Variants in DLGAP2 observed in about 807,000 individuals in gnomAD.
DLGAP2 encodes the protein disks large-associated protein 2.
DLGAP2 carries 26 observed loss-of-function variants against 100.3 expected under a neutral mutation model. That is an observed-to-expected ratio of 0.26 (90% CI 0.19 to 0.36). The LOEUF is 0.36. DLGAP2 is among the 10% of genes least tolerant of loss of function. The pLI, the probability that DLGAP2 is intolerant of heterozygous loss-of-function variation, is 1.00. For synonymous variants in DLGAP2, 886 were observed against 630.1 expected (o/e 1.41, Z -6.08); for missense variants, 1,858 against 1,453.2 (o/e 1.28, Z -4.53).
chr8:1,063,774 G>T (rs1803160613), intron 2 of DLGAP2, among the ~76,000 whole-genome samples: 1 of 152,118 alleles, frequency 6.6e-6, no homozygotes, highest in Non-Finnish European at 1.5e-5. Context: ...TATTTAGGTG[G>T]GTATCGACTA....
chr8:1,322,441 C>T (rs1038478316), intron 3 of DLGAP2, among the ~76,000 whole-genome samples: 4 of 152,056 alleles, frequency 2.6e-5, no homozygotes, highest in African/African-American at 9.7e-5. Flanking sequence ...TGACTTCACG[C>T]GTGTGGATCC....
rs184800205 is a variant in DLGAP2 at position 1,225,253 on chromosome 8, G to A, written c.74-33598G>A. On this transcript the variant is annotated intron_variant, in intron 2 of 14. Transcript: ENST00000637795. Reference sequence around the variant, plus strand: ...CGGAACATTTCTCAGTTATGAACACGAGTGAGGGATTGGTAGATGTTACAG... The same window carrying A: ...CGGAACATTTCTCAGTTATGAACACAAGTGAGGGATTGGTAGATGTTACAG... 7.9e-4 allele frequency among the ~76,000 whole-genome samples: 121 copies of A among 152,364 alleles called. 1 individual carries two copies. Among genetic ancestry groups the A allele is most frequent in the Non-Finnish European group, 1.6e-3 (110 of 68,036 alleles).
intron 1 of DLGAP2, among the ~76,000 whole-genome samples, chr8:866,559 G>A (rs1377396641): frequency 6.6e-6 from 1 of 152,078 alleles, no homozygotes; most frequent in African/African-American, 2.4e-5. Flanking sequence ...GAAAAGAAGG[G>A]TCTGAAGGAC....
At chr8:1,557,692 A>G (rs938463529) in intron 5 of DLGAP2, among the ~76,000 whole-genome samples, 1 of 152,064 alleles carries the variant, frequency 6.6e-6, no homozygotes, top group African/African-American at 2.4e-5. Context: ...GTGGAGTCCC[A>G]AGGCCAGCTC....
chr8:1,424,022 G>A lies in DLGAP2; in HGVS notation c.107-77344G>A, dbSNP rs573650484. 5.9e-5 allele frequency among the ~76,000 whole-genome samples: 9 copies of A among 152,338 alleles called. No individual in the cohort carries two copies. In the East Asian group the frequency reaches 1.2e-3, roughly 20 times the overall value. ...ATAGCAGCCGGATTATTCAAAGCTC[G>A]TATCAGGCAGCCAGTTGGATGGAGG... On this transcript the variant is annotated intron_variant, in intron 3 of 14. Coordinates refer to ENST00000637795, the MANE Select transcript of DLGAP2 (RefSeq NM_001346810.2).
chr8:1,048,723 G>T (rs550123958), intron 2 of DLGAP2, among the ~76,000 whole-genome samples: 1 of 151,908 alleles, frequency 6.6e-6, no homozygotes, highest in Non-Finnish European at 1.5e-5. Context: ...CTGGAACTGG[G>T]GCTGCGGTGG....
intron 2 of DLGAP2, among the ~76,000 whole-genome samples, chr8:947,214 T>C (rs1412168247): frequency 6.6e-6 from 1 of 152,120 alleles, no homozygotes; most frequent in Non-Finnish European, 1.5e-5. Flanking sequence ...CCCGGGGAGC[T>C]GCATCTGCAG....
chr8:1,648,454 G>C (rs945996301), intron 8 of DLGAP2, among the ~76,000 whole-genome samples: 4 of 152,046 alleles, frequency 2.6e-5, no homozygotes, highest in Admixed American at 6.6e-5. Flanking sequence ...GTGAAATTCA[G>C]CCTCTGTCAT....
chr8:1,528,187 C>T (rs1199997490), intron 4 of DLGAP2, among the ~76,000 whole-genome samples: 1 of 152,136 alleles, frequency 6.6e-6, no homozygotes, highest in East Asian at 1.9e-4. Context: ...TACTGGGTTC[C>T]ACTGCTGGAA....
chr8:1,609,378 C>A lies in DLGAP2; in HGVS notation c.1443-17362C>A, dbSNP rs1031098525. On this transcript the variant is annotated intron_variant, in intron 6 of 14. Coordinates refer to ENST00000637795, the MANE Select transcript of DLGAP2 (RefSeq NM_001346810.2). ...CACCACCAGGCCTGCCCTAAAAGAG[C>A]TCCTGAAGGAAGCGCTAAACATGGA... Among the ~76,000 whole-genome samples the A allele has an allele frequency of 2.4e-3, 321 of 135,560 alleles. 8 individuals are homozygous for A. Among genetic ancestry groups the A allele is most frequent in the African/African-American group, 8.2e-3 (312 of 37,856 alleles). 88.9% of individuals were successfully genotyped at this position (135,560 alleles called of 152,430 possible). A position where few individuals can be genotyped will look rare whatever the true frequency, so the allele number is the denominator to read the frequency against.
chr8:1,273,538 G>A (rs1429299114), intron 3 of DLGAP2, among the ~76,000 whole-genome samples: 2 of 152,176 alleles, frequency 1.3e-5, no homozygotes, highest in Admixed American at 6.5e-5. Context: ...GTGGATGGCC[G>A]GCAGGAACGT....
intron 3 of DLGAP2, among the ~76,000 whole-genome samples, chr8:1,485,309 CAT>C (rs1330016995): frequency 3.3e-5 from 5 of 152,142 alleles, no homozygotes; most frequent in African/African-American, 1.2e-4. Context: ...CAGATTTTTT[CAT>C]ATCATTTTTC....
At chr8:909,816 C>T (rs888637049) in intron 2 of DLGAP2, among the ~76,000 whole-genome samples, 51 of 152,170 alleles carry the variant, frequency 3.4e-4, no homozygotes, top group African/African-American at 1.1e-3. Context: ...GGGGAGAATT[C>T]TAGCTTTTAG....
intron 2 of DLGAP2, among the ~76,000 whole-genome samples, chr8:937,732 T>A (rs1003617138): frequency 2.6e-5 from 4 of 152,122 alleles, no homozygotes; most frequent in Non-Finnish European, 4.4e-5. Flanking sequence ...TCTCCTACAA[T>A]CAAGGGAATC....
intron 2 of DLGAP2, among the ~76,000 whole-genome samples, chr8:1,026,477 T>G (rs1362244051): frequency 6.6e-6 from 1 of 152,214 alleles, no homozygotes; most frequent in Non-Finnish European, 1.5e-5. Flanking sequence ...TGCTCCGACC[T>G]GCTCCTGCTG....
intron 2 of DLGAP2, among the ~76,000 whole-genome samples, chr8:1,092,017 C>T (rs1215721240): frequency 6.6e-6 from 1 of 152,168 alleles, no homozygotes; most frequent in Non-Finnish European, 1.5e-5. Flanking sequence ...TGGAACAAAA[C>T]ACAGCGTCAG....
At chr8:1,245,398 G>C (rs1798882308) in intron 2 of DLGAP2, among the ~76,000 whole-genome samples, 1 of 152,184 alleles carries the variant, frequency 6.6e-6, no homozygotes, top group African/African-American at 2.4e-5. Context: ...CCATGCAATG[G>C]AATCTTCTCT....
intron 2 of DLGAP2, among the ~76,000 whole-genome samples, chr8:924,085 A>T (rs1167392336): frequency 6.6e-6 from 1 of 152,218 alleles, no homozygotes; most frequent in African/African-American, 2.4e-5. Flanking sequence ...GCCTATAAAC[A>T]TGAGAAGTGC....
rs187639819 is a variant in DLGAP2 at position 1,519,286 on chromosome 8, A to G, written c.172+17855A>G. 7.5e-5 allele frequency among the ~76,000 whole-genome samples: 11 copies of G among 146,952 alleles called. No individual in the cohort carries two copies. The Admixed American group carries it at 7.6e-4, about 10-fold the overall frequency. ...ATCCTACGCCTGAAAACCAAAAAGC[A>G]TAGAACCCTTGTCTACTTGGAAATC... On this transcript the variant is annotated intron_variant, in intron 4 of 14. Coordinates refer to ENST00000637795, the MANE Select transcript of DLGAP2 (RefSeq NM_001346810.2).
Sources: gnomAD v4.1 joint callset for allele counts (sites outside exome capture counted in the v4.1 genomes callset) on GRCh38, gnomAD v4.1.1 for gene constraint, MANE v1.5 for transcripts, NCBI Gene and HGNC (gene_info 2026-07-23, HGNC 2026-07-21) for gene names.